Variants in ANXA10 observed in about 807,000 individuals in gnomAD.
The protein encoded by ANXA10 is annexin 14.
In ANXA10, 49 loss-of-function variants were observed where a neutral mutation model predicts 53.5. The observed-to-expected ratio is 0.92, with a 90% CI of 0.73 to 1.16. ANXA10 has a LOEUF of 1.16. Among genes scored for constraint, ANXA10 ranks in the 50% most tolerant of loss-of-function variants. ANXA10 has a pLI of 0.00. For synonymous variants in ANXA10, 131 were observed against 128.9 expected (o/e 1.02, Z -0.11); for missense variants, 393 against 394.4 (o/e 1.00, Z 0.03).
chr4:168,112,463 T>C (rs77602166), intron 1 of ANXA10, among the ~76,000 whole-genome samples: 100,672 of 151,792 alleles, frequency 0.66, 33,970 homozygotes, highest in African/African-American at 0.77. Flanking sequence ...TCTCTTTTGG[T>C]TGCTATTAAA....
intron 3 of ANXA10, among the ~76,000 whole-genome samples, chr4:168,154,207 C>T (rs1731560834): frequency 6.6e-6 from 1 of 152,166 alleles, no homozygotes; most frequent in Admixed American, 6.5e-5. Context: ...TTTTGCAATG[C>T]TTGCATAGTC....
intron 1 of ANXA10, among the ~76,000 whole-genome samples, chr4:168,105,866 C>G (rs1339822262): frequency 2.0e-5 from 3 of 152,034 alleles, no homozygotes; most frequent in Non-Finnish European, 4.4e-5. Context: ...GTCTAATAAT[C>G]AGTGATAAGC....
chr4:168,146,274 A>T (rs1019949562), intron 3 of ANXA10, among the ~76,000 whole-genome samples: 6 of 152,192 alleles, frequency 3.9e-5, no homozygotes, highest in African/African-American at 1.4e-4. Flanking sequence ...AGCCAAAAAC[A>T]TGGCACAGAT....
intron 3 of ANXA10, among the ~76,000 whole-genome samples, chr4:168,150,442 T>C (rs1222662840): frequency 2.0e-5 from 3 of 152,126 alleles, no homozygotes; most frequent in African/African-American, 7.2e-5. Context: ...GTTCATAAAT[T>C]TGGAAAAGAA....
chr4:168,137,174 A>T (rs531403390), intron 2 of ANXA10, among the ~76,000 whole-genome samples: 90 of 152,310 alleles, frequency 5.9e-4, no homozygotes, highest in African/African-American at 2.0e-3. Flanking sequence ...AACACTAATC[A>T]GCTTAAAGGT....
At chr4:168,166,864 A>G (rs773993929) in intron 6 of ANXA10, among the ~76,000 whole-genome samples, 3 of 152,146 alleles carry the variant, frequency 2.0e-5, no homozygotes, top group Non-Finnish European at 4.4e-5. Context: ...AGAATACATG[A>G]AAGCCTTTTT....
rs753404617 is a variant in ANXA10 at position 168,177,979 on chromosome 4, G to A, written c.624G>A (p.Arg208=). 6.2e-6 allele frequency: 10 copies of A among 1,613,122 alleles called. No homozygotes were observed. The Admixed American group carries it at 1.5e-4, about 24-fold the overall frequency. Residue 208 remains arginine (R), a synonymous_variant, in exon 8 of 12, where the codon CGG becomes CGA. Coordinates refer to ENST00000359299, the MANE Select transcript of ANXA10 (RefSeq NM_007193.5). ...ILCNKSYQQL[R]LVFQEFQNIS... is the part of the protein sequence containing the mutation. ...GCAACAAGAGCTACCAGCAGCTGCG[G>A]CTGGGTAATTATTAACTGGGTTTCG...
intron 10 of ANXA10, among the ~76,000 whole-genome samples, chr4:168,183,610 T>A (rs543007482): frequency 1.8e-4 from 27 of 152,352 alleles, no homozygotes; most frequent in African/African-American, 6.5e-4. Context: ...GATATGCGTA[T>A]TCACAAATGG....
Position 168,162,600 on chromosome 4 carries a change from C to T in ANXA10, c.268C>T (p.Pro90Ser), listed in dbSNP as rs1349905443. The T allele has an allele frequency of 1.2e-6, 2 of 1,613,810 alleles. No individual in the cohort carries two copies. The highest frequency in any genetic ancestry group is 1.7e-6 in the Non-Finnish European group (2 of 1,179,904). ...TGTGATGGCTGGCCTCATGTACCCA[C>T]CACCACTGTATGATGCTCATGAGCT... ...KDVMAGLMYP[P>S]PLYDAHELWH... Residue 90 changes from proline to serine, a missense_variant, in exon 4 of 12, where the codon CCA becomes TCA. By Grantham distance (74) the Pro-to-Ser change is moderately conservative. Coordinates refer to ENST00000359299, the MANE Select transcript of ANXA10 (RefSeq NM_007193.5).
At chr4:168,119,696 C>A (rs1275449493) in intron 1 of ANXA10, among the ~76,000 whole-genome samples, 3 of 151,998 alleles carry the variant, frequency 2.0e-5, no homozygotes, top group Non-Finnish European at 2.9e-5. Flanking sequence ...ACAAGCCCAG[C>A]CAAAGTGCTA....
chr4:168,105,225 C>T (rs1438977037), intron 1 of ANXA10, among the ~76,000 whole-genome samples: 3 of 151,800 alleles, frequency 2.0e-5, no homozygotes, highest in African/African-American at 7.3e-5. Flanking sequence ...GGTATTAAGC[C>T]TATTACCCCT....
chr4:168,095,486 A>T (rs1185313913), intron 1 of ANXA10, among the ~76,000 whole-genome samples: 2 of 152,240 alleles, frequency 1.3e-5, no homozygotes, highest in Non-Finnish European at 2.9e-5. Context: ...TACCTAAAAT[A>T]GCATTATGTA....
chr4:168,155,751 T>C (rs1731618348), intron 3 of ANXA10, among the ~76,000 whole-genome samples: 1 of 38,592 alleles, frequency 2.6e-5, no homozygotes, highest in South Asian at 9.7e-4. Context: ...ATATATTATA[T>C]ATTATATAAT....
At chr4:168,135,326 T>C (rs1354954780) in intron 2 of ANXA10, among the ~76,000 whole-genome samples, 2 of 152,170 alleles carry the variant, frequency 1.3e-5, no homozygotes, top group African/African-American at 2.4e-5. Context: ...TTCCCAATGA[T>C]GACATTTCAA....
At chr4:168,133,137 G>T (rs1487078724) in intron 2 of ANXA10, among the ~76,000 whole-genome samples, 1 of 152,012 alleles carries the variant, frequency 6.6e-6, no homozygotes, top group Non-Finnish European at 1.5e-5. Context: ...CTTGGTGATT[G>T]TGCTGTTTAA....
chr4:168,129,243 T>C (rs1731120811), intron 2 of ANXA10, among the ~76,000 whole-genome samples: 1 of 152,148 alleles, frequency 6.6e-6, no homozygotes, highest in African/African-American at 2.4e-5. Flanking sequence ...GGACTTAAAA[T>C]ATGCTCGCTA....
In ANXA10 at chr4:168,177,968, C is replaced by A; in HGVS notation, c.613C>A (p.Gln205Lys). ...LQMILCNKSY[Q>K]QLRLVFQEFQ... is the part of the protein sequence containing the mutation. Reference sequence around the variant, plus strand: ...AATGATCCTGTGCAACAAGAGCTACCAGCAGCTGCGGCTGGGTAATTATTA... The same window carrying A: ...AATGATCCTGTGCAACAAGAGCTACAAGCAGCTGCGGCTGGGTAATTATTA... Residue 205 changes from glutamine (Q) to lysine (K), a missense_variant, in exon 8 of 12, where the codon CAG (glutamine) becomes AAG (lysine). Coordinates refer to ENST00000359299, the MANE Select transcript of ANXA10 (RefSeq NM_007193.5). 2 of 1,613,504 alleles carry A rather than the reference C, an allele frequency of 1.2e-6. No individual in the cohort carries two copies. The highest frequency in any genetic ancestry group is 1.3e-5 in the African/African-American group (1 of 75,004).
chr4:168,185,372 G>C (rs939563100), intron 11 of ANXA10, among the ~76,000 whole-genome samples: 1 of 152,152 alleles, frequency 6.6e-6, no homozygotes, highest in Non-Finnish European at 1.5e-5. Flanking sequence ...TAAATCAGTT[G>C]AGCTGTCCTC....
At chr4:168,135,353 T>TC (rs1225097608) in intron 2 of ANXA10, among the ~76,000 whole-genome samples, 1 of 152,164 alleles carries the variant, frequency 6.6e-6, no homozygotes, top group African/African-American at 2.4e-5. Context: ...GGCTCCCATA[T>TC]CCCTGAGAAA....
Sources: allele counts gnomAD v4.1 joint callset (sites outside exome capture counted in the v4.1 genomes callset), GRCh38; gene constraint gnomAD v4.1.1; transcripts MANE v1.5; gene names NCBI Gene and HGNC (gene_info 2026-07-23, HGNC 2026-07-21).